The following ADGRG5 variants were observed in gnomAD, a reference collection of about 807,000 sequenced individuals.
ADGRG5 encodes the protein adhesion G protein-coupled receptor G5.
In ADGRG5, 37 loss-of-function variants were observed where a neutral mutation model predicts 53.2. The observed-to-expected ratio is 0.70, with a 90% CI of 0.53 to 0.91. The LOEUF (loss-of-function observed/expected upper bound fraction) is 0.91. ADGRG5 is among the 40% of genes least tolerant of loss of function. The probability of loss-of-function intolerance (pLI) is 0.00; values close to 1 mark genes in which losing one functional copy is unlikely to be tolerated. For synonymous variants in ADGRG5, 277 were observed against 290.4 expected, an observed-to-expected ratio of 0.95 and a Z score of 0.47; for missense variants, 614 against 675.8, an observed-to-expected ratio of 0.91 and a Z score of 1.01.
intron 8 of ADGRG5, 54 bp from the exon 9 acceptor site, chr16:57,567,802 A>T (rs1224417730): frequency 7.7e-6 from 12 of 1,564,076 alleles, no homozygotes; most frequent in Non-Finnish European, 1.0e-5. Flanking sequence ...CCCAGTGGGT[A>T]GTGCTGCCTG....
chr16:57,552,663 A>G (rs1490198710), intron 1 of ADGRG5, among the ~76,000 whole-genome samples: 1 of 152,196 alleles, frequency 6.6e-6, no homozygotes, highest in Non-Finnish European at 1.5e-5. Flanking sequence ...CCATATCAGC[A>G]ATAAGGTTGT....
chr16:57,536,152 G>A, the ADGRG5 span, among the ~76,000 whole-genome samples: 46 of 152,198 alleles, frequency 3.0e-4, no homozygotes, highest in African/African-American at 9.6e-4. Context: ...TCCCGCATTC[G>A]CCATGGCGAC....
rs769170527 is a variant in ADGRG5, at chr16:57,574,802, C to T, written c.1209-13C>T. On this transcript the variant is annotated splice_polypyrimidine_tract_variant and intron_variant, in intron 10 of 11. Transcript: ENST00000349457. The surrounding 1 kb of genome is among the most constrained non-coding windows in gnomAD (Gnocchi z 4.4). ...GAGCCACTGTGAGCCTGACACGTCACCCTCCCCTGCAGATGCTGGGTGCGG... is the reference window on the plus strand; with the variant it reads ...GAGCCACTGTGAGCCTGACACGTCATCCTCCCCTGCAGATGCTGGGTGCGG... The T allele has an allele frequency of 1.0e-5, 16 of 1,553,058 alleles. No individual in the cohort carries two copies. The highest frequency in any genetic ancestry group is 1.8e-5 in the Admixed American group (1 of 55,296).
upstream of ADGRG5, among the ~76,000 whole-genome samples, chr16:57,538,549 TATG>T (rs1300495329): frequency 3.3e-5 from 5 of 152,186 alleles, no homozygotes; most frequent in Non-Finnish European, 7.3e-5. Flanking sequence ...GGGGTCACCC[TATG>T]AGATGTCAGA....
chr16:57,561,393 G>A (rs988178257), intron 1 of ADGRG5, among the ~76,000 whole-genome samples: 21 of 152,216 alleles, frequency 1.4e-4, no homozygotes, highest in Non-Finnish European at 2.5e-4. Flanking sequence ...AGGGTTTCCT[G>A]TACCCTGTGT....
intron 10 of ADGRG5, among the ~76,000 whole-genome samples, chr16:57,571,775 G>C (rs1342076759): frequency 1.3e-5 from 2 of 150,864 alleles, no homozygotes; most frequent in South Asian, 2.1e-4. Flanking sequence ...CCTGTGAGTA[G>C]CTGGGATTAC....
chr16:57,555,144 C>T (rs1009389536), intron 1 of ADGRG5, among the ~76,000 whole-genome samples: 7 of 151,952 alleles, frequency 4.6e-5, no homozygotes, highest in Admixed American at 6.6e-5. Context: ...ATGTATTTTG[C>T]GTAATTAGGA....
At chr16:57,542,909 G>A (rs2032521384) in intron 1 of ADGRG5, 1 of 152,274 alleles carries the variant, frequency 6.6e-6, no homozygotes, top group Non-Finnish European at 1.5e-5. Flanking sequence ...GCTTTTGGAA[G>A]GAGGGGCAAT....
At chr16:57,555,453 C>G (rs1298420460) in intron 1 of ADGRG5, among the ~76,000 whole-genome samples, 1 of 152,180 alleles carries the variant, frequency 6.6e-6, no homozygotes, top group East Asian at 1.9e-4. Flanking sequence ...TGATTATATA[C>G]CCAGTCTTGG....
intron 1 of ADGRG5, among the ~76,000 whole-genome samples, chr16:57,554,563 A>T (rs1161178847): frequency 6.6e-6 from 1 of 152,056 alleles, no homozygotes; most frequent in African/African-American, 2.4e-5. Flanking sequence ...TTTTTAGTAG[A>T]GATGGGGTTT....
intron 9 of ADGRG5, among the ~76,000 whole-genome samples, chr16:57,568,729 A>G (rs1395758034): frequency 7.0e-6 from 1 of 142,592 alleles, no homozygotes; most frequent in African/African-American, 2.7e-5. Context: ...CTCCATCATC[A>G]CCTCTTCCAC....
In ADGRG5 at chr16:57,574,712, T is replaced by C. The variant is rs2033462275; in HGVS notation, c.1209-103T>C. 3.9e-6 allele frequency: 5 copies of C among 1,297,768 alleles called. No individual in the cohort carries two copies. The highest frequency in any genetic ancestry group is 3.1e-5 in the South Asian group (2 of 65,196). The allele number at this position is 1,297,768 out of a possible 1,614,324, so 80.4% of individuals were successfully genotyped here. A position where few individuals can be genotyped will look rare whatever the true frequency, so the allele number is the denominator to read the frequency against. ...GTGTGTTCAGTCAGGCAAGAAACAA[T>C]AGGGCCTGAGCCAGGAGACCGAGTG... On this transcript the variant is annotated intron_variant, in intron 10 of 11. Coordinates refer to ENST00000349457, the MANE Select transcript of ADGRG5 (RefSeq NM_001304376.3). The surrounding 1 kb of genome is among the most constrained non-coding windows in gnomAD (Gnocchi z 4.4).
In ADGRG5 at chr16:57,567,455, T is replaced by C. The variant is rs202145757; in HGVS notation, c.700-15T>C. The C allele has an allele frequency of 1.9e-5, 31 of 1,605,124 alleles. No individual in the cohort carries two copies. The highest frequency in any genetic ancestry group is 4.0e-5 in the African/African-American group (3 of 74,876). ...TACTATGCTTCTGGCCTCCAGCCCC[T>C]CTTCCCTCCTGCAGCAACTCTCCCC... On this transcript the variant is annotated splice_polypyrimidine_tract_variant and intron_variant, in intron 7 of 11. Transcript: ENST00000349457.
At chr16:57,567,118 C>G (rs1364577788) in intron 7 of ADGRG5, among the ~76,000 whole-genome samples, 1 of 152,214 alleles carries the variant, frequency 6.6e-6, no homozygotes, top group Non-Finnish European at 1.5e-5. Context: ...TTCTTTTACC[C>G]AGTTCTGCCA....
In ADGRG5 at chr16:57,565,531, T is replaced by A. The variant is rs1007631462; in HGVS notation, c.546+381T>A. On this transcript the variant is annotated intron_variant, in intron 6 of 11. Transcript: ENST00000349457. ...TGTCTTGGCTGTCCATTCTGTGGCA[T>A]GATGGATGCTGGAGAGCCAGACTTC... 2.4e-5 allele frequency: 8 copies of A among 339,948 alleles called. No individual in the cohort carries two copies. The Admixed American group carries it at 3.7e-4, about 16-fold the overall frequency. The allele number at this position is 339,948 out of a possible 1,614,324, so 21.1% of individuals were successfully genotyped here.
rs1369753799 is a variant in ADGRG5, at chr16:57,575,435, C to A, written c.1487-3C>A. On this transcript the variant is annotated splice_region_variant and splice_polypyrimidine_tract_variant and intron_variant, in intron 11 of 11. Coordinates refer to ENST00000349457, the MANE Select transcript of ADGRG5 (RefSeq NM_001304376.3). ...CCGTGGAACTCCCGCCTTTCTCTTGCAGGTTTCTTCCTTTTCCTGTGGTTC... is the reference window on the plus strand; with the variant it reads ...CCGTGGAACTCCCGCCTTTCTCTTGAAGGTTTCTTCCTTTTCCTGTGGTTC... 6.2e-7 allele frequency: 1 copy of A among 1,613,870 alleles called. No homozygotes were observed. The highest frequency in any genetic ancestry group is 2.2e-5 in the East Asian group (1 of 44,890).
At position 57,575,572 on chromosome 16, in the gene ADGRG5, C is replaced by G. The variant is rs1437339871; in HGVS notation, c.*34C>G. The G allele has an allele frequency of 6.4e-7, 1 of 1,555,734 alleles. No homozygotes were observed. Among genetic ancestry groups the G allele is most frequent in the Non-Finnish European group, 8.9e-7 (1 of 1,128,188 alleles). On this transcript the variant is annotated 3_prime_UTR_variant, in exon 12 of 12. Transcript: ENST00000349457. Reference sequence around the variant, plus strand: ...TCCTGGCCTGGAATCCTCAGCCTCTCTGGCCGCCAGTAGCCTGAGGCTACG... The same window carrying G: ...TCCTGGCCTGGAATCCTCAGCCTCTGTGGCCGCCAGTAGCCTGAGGCTACG...
At chr16:57,572,582 C>T (rs575331513) in intron 10 of ADGRG5, among the ~76,000 whole-genome samples, 1 of 152,282 alleles carries the variant, frequency 6.6e-6, no homozygotes. Context: ...ATCCCAGCTA[C>T]TCAGGAGGCT....
intron 3 of ADGRG5, 44 bp from the exon 4 acceptor site, chr16:57,563,047 C>T (rs1247797324): frequency 6.2e-7 from 1 of 1,611,374 alleles, no homozygotes; most frequent in South Asian, 1.1e-5. Flanking sequence ...CACCCTTACC[C>T]CACTCCGGGC....
Sources: gnomAD v4.1 joint callset for allele counts (sites outside exome capture counted in the v4.1 genomes callset) on GRCh38, gnomAD v4.1.1 for gene constraint, Gnocchi (gnomAD v3.1) non-coding constraint, MANE v1.5 for transcripts, NCBI Gene and HGNC (gene_info 2026-07-23, HGNC 2026-07-21) for gene names.